ACBD3: variants seen among roughly 807,000 people sequenced by gnomAD.
The protein encoded by ACBD3 is acyl-CoA binding domain containing 3, also known as Golgi resident protein GCP60.
In ACBD3, 30 loss-of-function variants were observed where a neutral mutation model predicts 66.9. The observed-to-expected ratio is 0.45, with a 90% CI of 0.34 to 0.61. ACBD3 has a LOEUF of 0.61. Among genes scored for constraint, ACBD3 ranks in the 20% least tolerant of loss-of-function variants. ACBD3 has a pLI of 0.02. For missense variants in ACBD3, 544 were observed against 664.5 expected (o/e 0.82, Z 1.99); for synonymous variants, 278 against 259.8 (o/e 1.07, Z -0.68).
Position 226,146,250 on chromosome 1 carries a change from A to G in ACBD3, c.*360T>C, listed in dbSNP as rs1462264777. ...GGACACTGTAACTACGGGCTCTCAT[A>G]AGACACATGGAGCAGGCAGCAAGGG... On this transcript the variant is annotated 3_prime_UTR_variant, in exon 8 of 8. Transcript: ENST00000366812. The G allele has an allele frequency of 5.1e-6, 1 of 196,176 alleles. No homozygotes were observed. The highest frequency in any genetic ancestry group is 1.1e-5 in the Non-Finnish European group (1 of 95,166). The allele number at this position is 196,176 out of a possible 1,614,324, so 12.2% of individuals were successfully genotyped here.
chr1:226,157,592 T>G (rs1274259841), intron 5 of ACBD3, among the ~76,000 whole-genome samples: 1 of 152,114 alleles, frequency 6.6e-6, no homozygotes, highest in Non-Finnish European at 1.5e-5. Context: ...CAGGCTGGAA[T>G]GTAGTGGCGC....
chr1:226,169,805 T>C (rs1659955399), intron 1 of ACBD3, among the ~76,000 whole-genome samples: 1 of 151,322 alleles, frequency 6.6e-6, no homozygotes, highest in African/African-American at 2.4e-5. Flanking sequence ...ATGGATCACC[T>C]GAGGTCAAGA....
intron 7 of ACBD3, among the ~76,000 whole-genome samples, chr1:226,150,199 C>T (rs1659542884): frequency 3.3e-5 from 5 of 151,616 alleles, no homozygotes; most frequent in East Asian, 3.9e-4. Flanking sequence ...CCTGGGACTA[C>T]AGGTACATGC....
At chr1:226,175,675 GA>G (rs1656015953) in intron 1 of ACBD3, among the ~76,000 whole-genome samples, 1 of 151,750 alleles carries the variant, frequency 6.6e-6, no homozygotes, top group Admixed American at 6.6e-5. Context: ...GCAGCAGTAG[GA>G]AAATGGAAGC....
chr1:226,186,475 GC>G lies in ACBD3; in HGVS notation c.200del (p.Gly67AlafsTer44), dbSNP rs1553270103. 2.0e-6 allele frequency: 3 copies of G among 1,492,646 alleles called. No individual in the cohort carries two copies. The highest frequency in any genetic ancestry group is 2.3e-5 in the Admixed American group (1 of 44,210). 92.5% of individuals were successfully genotyped at this position (1,492,646 alleles called of 1,614,324 possible). A position where few individuals can be genotyped will look rare whatever the true frequency, so the allele number is the denominator to read the frequency against. On this transcript the variant is annotated frameshift_variant, in exon 1 of 8. Coordinates refer to ENST00000366812, the MANE Select transcript of ACBD3 (RefSeq NM_022735.4). LOFTEE classifies it high-confidence loss of function. ...CCAGCCGCCGCGCCTCCTCCGCCGCGCCCCCAGCCGCCGCCTCCCCGGGCTC... is the reference window on the plus strand; with the variant it reads ...CCAGCCGCCGCGCCTCCTCCGCCGCGCCCCAGCCGCCGCCTCCCCGGGCTC... Reference protein sequence around the residue: ...QPEPGEAAAGGAAEEARRLEQ... With the variant: ...QPEPGEAAAGXAAEEARRLEQ...
At chr1:226,155,687 A>T (rs1177392946) in intron 5 of ACBD3, among the ~76,000 whole-genome samples, 1 of 152,184 alleles carries the variant, frequency 6.6e-6, no homozygotes, top group Non-Finnish European at 1.5e-5. Flanking sequence ...AACATAATTG[A>T]CCCCAAAAAG....
At chr1:226,168,891 C>T (rs1659927566) in intron 1 of ACBD3, among the ~76,000 whole-genome samples, 1 of 152,202 alleles carries the variant, frequency 6.6e-6, no homozygotes, top group Admixed American at 6.5e-5. Context: ...CGGAGTCTCG[C>T]TCTGTTGCCC....
At chr1:226,183,298 C>A (rs1266066877) in intron 1 of ACBD3, among the ~76,000 whole-genome samples, 4 of 152,134 alleles carry the variant, frequency 2.6e-5, no homozygotes, top group African/African-American at 9.7e-5. Context: ...GCCTCAGCCT[C>A]CCAAGTAGCT....
At chr1:226,165,709 A>T (rs900152951) in intron 2 of ACBD3, 150 bp downstream of exon 2, 2 of 748,020 alleles carry the variant, frequency 2.7e-6, no homozygotes, top group Admixed American at 3.7e-5. Context: ...AAAAACAGAT[A>T]AATATCTGAA....
intron 1 of ACBD3, among the ~76,000 whole-genome samples, chr1:226,172,849 G>A (rs1029350125): frequency 1.3e-5 from 2 of 152,148 alleles, no homozygotes; most frequent in African/African-American, 4.8e-5. Context: ...CTGAAGTCCA[G>A]GCTTCTCTGG....
At chr1:226,155,284 G>A (rs1434790019) in intron 5 of ACBD3, among the ~76,000 whole-genome samples, 1 of 152,108 alleles carries the variant, frequency 6.6e-6, no homozygotes, top group Non-Finnish European at 1.5e-5. Flanking sequence ...GGGCATGGCA[G>A]CACACGCCTG....
intron 5 of ACBD3, chr1:226,155,121 GA>G: frequency 9.5e-6 from 2 of 211,540 alleles, no homozygotes; most frequent in South Asian, 1.8e-4. Flanking sequence ...AACTAACCAG[GA>G]AAAATGAAAG....
chr1:226,166,565 A>G (rs1227250419), intron 1 of ACBD3, among the ~76,000 whole-genome samples: 2 of 149,798 alleles, frequency 1.3e-5, no homozygotes, highest in African/African-American at 4.9e-5. Context: ...AGCTCACTGC[A>G]GCCTCAACCT....
chr1:226,172,020 T>C (rs921438529), intron 1 of ACBD3, among the ~76,000 whole-genome samples: 15 of 151,436 alleles, frequency 9.9e-5, no homozygotes, highest in African/African-American at 3.6e-4. Context: ...CCAGGCATGC[T>C]GGCGCACACC....
In ACBD3 at chr1:226,154,631, C is replaced by T. The variant is rs1249942440; in HGVS notation, c.1090+16G>A. The T allele has an allele frequency of 1.9e-6, 3 of 1,601,576 alleles. No individual in the cohort carries two copies. Among genetic ancestry groups the T allele is most frequent in the African/African-American group, 1.3e-5 (1 of 74,426 alleles). ...TGGAATTATGACATCTGGACAAACA[C>T]ATATGCAAAACCTACCTTTTGGTCC... On this transcript the variant is annotated intron_variant, in intron 6 of 7. Transcript: ENST00000366812.
chr1:226,156,511 C>T (rs1472109457), intron 5 of ACBD3, among the ~76,000 whole-genome samples: 1 of 152,002 alleles, frequency 6.6e-6, no homozygotes, highest in African/African-American at 2.4e-5. Flanking sequence ...AAAAAAAATA[C>T]ACACACGCAC....
At chr1:226,153,532 C>A (rs1191863676) in intron 6 of ACBD3, among the ~76,000 whole-genome samples, 1 of 152,146 alleles carries the variant, frequency 6.6e-6, no homozygotes, top group Non-Finnish European at 1.5e-5. Flanking sequence ...GGTCACACTT[C>A]CCTGTTTTAC....
intron 1 of ACBD3, among the ~76,000 whole-genome samples, chr1:226,178,449 C>CTGTAGTCCCGGGCATGGTAG (rs1656097109): frequency 6.6e-6 from 1 of 151,750 alleles, no homozygotes; most frequent in South Asian, 2.1e-4. Context: ...GTGGCGGGCG[C>CTGTAGTCCCGGGCATGGTAG]CTGTAGTCCC....
chr1:226,146,936 G>C, intron 7 of ACBD3, 115 bp from the exon 8 acceptor site: 1 of 1,027,266 alleles, frequency 9.7e-7, no homozygotes, highest in Non-Finnish European at 1.5e-6. Context: ...CTGTCACCCA[G>C]GATGGAGTGC....
Sources: allele counts gnomAD v4.1 joint callset (sites outside exome capture counted in the v4.1 genomes callset), GRCh38; gene constraint gnomAD v4.1.1; transcripts MANE v1.5; gene names NCBI Gene and HGNC (gene_info 2026-07-23, HGNC 2026-07-21).